CCDC43: variants seen among roughly 807,000 people sequenced by gnomAD.
CCDC43 encodes coiled-coil domain containing 43, also known as coiled-coil domain-containing protein 43.
A neutral mutation model predicts 33.3 loss-of-function variants in CCDC43; 20 were observed. The ratio of observed to expected loss-of-function variants is 0.60; its 90% CI spans 0.42 to 0.87. The LOEUF is 0.87. CCDC43 is among the 40% of genes least tolerant of loss of function. The pLI is 0.00. For synonymous variants in CCDC43, 104 were observed against 106.5 expected (o/e 0.98, Z 0.14); for missense variants, 248 against 269.9 (o/e 0.92, Z 0.57).
chr17:44,681,223 G>T (rs1218856563), intron 3 of CCDC43, among the ~76,000 whole-genome samples: 1 of 152,164 alleles, frequency 6.6e-6, no homozygotes, highest in Non-Finnish European at 1.5e-5. Context: ...CAGATCATGA[G>T]GTCAGGAGAT....
chr17:44,679,777 C>T (rs996577047), intron 4 of CCDC43, among the ~76,000 whole-genome samples: 1 of 151,760 alleles, frequency 6.6e-6, no homozygotes, highest in African/African-American at 2.4e-5. Flanking sequence ...ACCTGTAGTC[C>T]CAGCTACTCG....
At chr17:44,683,763 G>A (rs1972195423) in intron 2 of CCDC43, 109 bp downstream of exon 2, 4 of 730,992 alleles carry the variant, frequency 5.5e-6, no homozygotes, top group Middle Eastern at 2.4e-4. Context: ...CACTATCTTC[G>A]GGAAAATGAG....
At chr17:44,682,844 A>G (rs1479055963) in intron 2 of CCDC43, among the ~76,000 whole-genome samples, 2 of 152,124 alleles carry the variant, frequency 1.3e-5, no homozygotes, top group Non-Finnish European at 2.9e-5. Context: ...GCGACAGAGC[A>G]AAACTCCGTC....
At position 44,678,844 on chromosome 17, in the gene CCDC43, A is replaced by C. The variant is rs1391645767; in HGVS notation, c.*12T>G. 1 of 1,610,546 alleles carries C rather than the reference A, an allele frequency of 6.2e-7. No homozygotes were observed. The highest frequency in any genetic ancestry group is 8.5e-7 in the Non-Finnish European group (1 of 1,178,254). On this transcript the variant is annotated 3_prime_UTR_variant, in exon 5 of 5. Coordinates refer to ENST00000315286, the MANE Select transcript of CCDC43 (RefSeq NM_144609.3). ...ATAAGTTCATGGGGGGAAAGAATAG[A>C]GTAGGCCAAGGTTATCGCTTTCGCT...
chr17:44,682,298 G>A (rs1314877844), intron 2 of CCDC43, among the ~76,000 whole-genome samples, 160 bp from the exon 3 acceptor site: 1 of 148,864 alleles, frequency 6.7e-6, no homozygotes, highest in Non-Finnish European at 1.5e-5. Context: ...ATTGAGAAAG[G>A]AAAGGAAAGG....
chr17:44,678,829 G>C lies in CCDC43; in HGVS notation c.*27C>G. Reference sequence around the variant, plus strand: ...CCAGTTCTCCCTTTGATAAGTTCATGGGGGGAAAGAATAGAGTAGGCCAAG... The same window carrying C: ...CCAGTTCTCCCTTTGATAAGTTCATCGGGGGAAAGAATAGAGTAGGCCAAG... On this transcript the variant is annotated 3_prime_UTR_variant, in exon 5 of 5. Coordinates refer to ENST00000315286, the MANE Select transcript of CCDC43 (RefSeq NM_144609.3). 1 of 1,598,060 alleles carries C rather than the reference G, an allele frequency of 6.3e-7. No individual in the cohort carries two copies. Among genetic ancestry groups the C allele is most frequent in the Non-Finnish European group, 8.5e-7 (1 of 1,171,048 alleles).
chr17:44,689,672 C>T lies in CCDC43; in HGVS notation c.82G>A (p.Gly28Arg), dbSNP rs774964391. Residue 28 changes from glycine (G) to arginine (R), a missense_variant, in exon 1 of 5, where the codon GGA (glycine) becomes AGA (arginine). Coordinates refer to ENST00000315286, the MANE Select transcript of CCDC43 (RefSeq NM_144609.3). ...TCCACTCCCAGTGCCTCCAACCGTC[C>T]GTCCAGCCAGGAGCCAAAGCCGCCG... is the stretch of plus-strand genomic sequence containing the variant. ...GGGGFGSWLD[G>R]RLEALGVDRA... is the part of the protein sequence containing the mutation. 3.7e-6 allele frequency: 6 copies of T among 1,612,432 alleles called. No individual in the cohort carries two copies. The highest frequency in any genetic ancestry group is 2.2e-5 in the South Asian group (2 of 90,878).
chr17:44,682,172 TGAGA>T, intron 2 of CCDC43, 34 bp from the exon 3 acceptor site: 1 of 1,613,216 alleles, frequency 6.2e-7, no homozygotes, highest in Non-Finnish European at 8.5e-7. Context: ...CAAGGTTGTA[TGAGA>T]GAGAACAAGC....
Position 44,689,587 on chromosome 17 carries a change from T to C in CCDC43, c.167A>G (p.Lys56Arg), listed in dbSNP as rs1259578672. The change falls in exon 1 of 5, where the codon AAG becomes AGG. Residue 56 changes from lysine (K) to arginine (R), a missense_variant. Physicochemically the swap from Lys to Arg is conservative, Grantham distance 26. Coordinates refer to ENST00000315286, the MANE Select transcript of CCDC43 (RefSeq NM_144609.3). ...GAGGATCCCCTGCAGAGCGTCCAGC[T>C]TCTCTTCTTCCTCCTCCTCCTGCAG... ...GILQEEEEEE[K>R]LDALQGILSA... The C allele has an allele frequency of 1.2e-6, 2 of 1,613,992 alleles. No homozygotes were observed. Among genetic ancestry groups the C allele is most frequent in the Admixed American group, 3.3e-5 (2 of 60,014 alleles).
At position 44,689,734 on chromosome 17, in the gene CCDC43, A is replaced by C; in HGVS notation, c.20T>G (p.Val7Gly). 1 of 1,570,558 alleles carries C rather than the reference A, an allele frequency of 6.4e-7. No homozygotes were observed. The highest frequency in any genetic ancestry group is 8.6e-7 in the Non-Finnish European group (1 of 1,159,846). Residue 7 changes from valine to glycine, a missense_variant, in exon 1 of 5, where the codon GTG (valine) becomes GGG (glycine). Coordinates refer to ENST00000315286, the MANE Select transcript of CCDC43 (RefSeq NM_144609.3). MAAPSE[V>G]AAIAPGEGDG... ...GCCTTCGCCAGGGGCTATCGCGGCC[A>C]CTTCGCTGGGCGCCGCCATCTTGGG...
chr17:44,680,444 G>A, intron 4 of CCDC43, 141 bp downstream of exon 4: 1 of 633,142 alleles, frequency 1.6e-6, no homozygotes, highest in Non-Finnish European at 3.0e-6. Context: ...ATCTAGGGCT[G>A]TCCTAGGAAT....
At chr17:44,684,068 G>GA (rs1972199846) in intron 1 of CCDC43, 109 bp from the exon 2 acceptor site, 1 of 719,384 alleles carries the variant, frequency 1.4e-6, no homozygotes, top group Non-Finnish European at 2.5e-6. Flanking sequence ...TGAAATTATG[G>GA]AAGGGTCTGG....
Position 44,678,849 on chromosome 17 carries a change from G to A in CCDC43, c.*7C>T, listed in dbSNP as rs1038437247. On this transcript the variant is annotated 3_prime_UTR_variant, in exon 5 of 5. Transcript: ENST00000315286. ...TTCATGGGGGGAAAGAATAGAGTAG[G>A]CCAAGGTTATCGCTTTCGCTCCCCT... The A allele has an allele frequency of 6.2e-7, 1 of 1,611,762 alleles. No individual in the cohort carries two copies. The highest frequency in any genetic ancestry group is 1.3e-5 in the African/African-American group (1 of 74,804).
chr17:44,689,075 C>T (rs1434164759), intron 1 of CCDC43: 1 of 167,088 alleles, frequency 6.0e-6, no homozygotes, highest in African/African-American at 2.4e-5. Context: ...TTTATGGACT[C>T]CTACATCCAT....
At chr17:44,689,406 G>A in intron 1 of CCDC43, 144 bp downstream of exon 1, 3 of 1,252,376 alleles carry the variant, frequency 2.4e-6, no homozygotes, top group Non-Finnish European at 3.2e-6. Context: ...TCCTTCCCCC[G>A]CCGCCCAGAT....
chr17:44,685,999 T>C (rs1972229926), intron 1 of CCDC43, among the ~76,000 whole-genome samples: 1 of 152,116 alleles, frequency 6.6e-6, no homozygotes, highest in South Asian at 2.1e-4. Context: ...ATGCAAGCTC[T>C]GCCTCCTGGG....
In CCDC43 at chr17:44,677,950, C is replaced by G. The variant is rs940842866; in HGVS notation, c.*906G>C. ...GAGCTTCTGCTCACTTTTGACTCTC[C>G]CAGTTTTTCCATTCACTCATTCATT... On this transcript the variant is annotated 3_prime_UTR_variant, in exon 5 of 5. Coordinates refer to ENST00000315286, the MANE Select transcript of CCDC43 (RefSeq NM_144609.3). The G allele has an allele frequency of 6.6e-6, 1 of 152,516 alleles. No individual in the cohort carries two copies. The highest frequency in any genetic ancestry group is 2.4e-5 in the African/African-American group (1 of 41,402). 9.4% of individuals were successfully genotyped at this position (152,516 alleles called of 1,614,324 possible). A position where few individuals can be genotyped will look rare whatever the true frequency, so the allele number is the denominator to read the frequency against.
chr17:44,683,996 A>G, intron 1 of CCDC43, 37 bp from the exon 2 acceptor site: 8 of 1,389,360 alleles, frequency 5.8e-6, no homozygotes, highest in Non-Finnish European at 8.2e-6. Flanking sequence ...TTCCTGAGGG[A>G]GCCCTCAAAA....
In CCDC43 at chr17:44,684,458, G is replaced by A. The variant is rs534168003; in HGVS notation, c.205-499C>T. ...TACGCCTGTAATCCCAGCACTTTGG[G>A]AGGCTGAGGAGGGCGGATCACTTGA... is the stretch of plus-strand genomic sequence containing the variant. On this transcript the variant is annotated intron_variant, in intron 1 of 4. Transcript: ENST00000315286. Among the ~76,000 whole-genome samples, 8 of 152,232 alleles carry A rather than the reference G, an allele frequency of 5.3e-5. No individual in the cohort carries two copies. The South Asian group carries it at 1.4e-3, about 28-fold the overall frequency.
Sources: allele counts gnomAD v4.1 joint callset (sites outside exome capture counted in the v4.1 genomes callset), GRCh38; gene constraint gnomAD v4.1.1; transcripts MANE v1.5; gene names NCBI Gene and HGNC (gene_info 2026-07-23, HGNC 2026-07-21).